TRAF3: variants seen among roughly 807,000 people sequenced by gnomAD.
TRAF3 encodes the protein TNF receptor-associated factor 3.
Under a neutral mutation model 62.3 loss-of-function variants are expected in TRAF3, and 13 were observed. The observed-to-expected ratio is 0.21, with a 90% CI of 0.14 to 0.33. The LOEUF (loss-of-function observed/expected upper bound fraction) is 0.33, where lower values mean the gene tolerates loss of function less well. Ranked by LOEUF, TRAF3 falls within the 10% of genes least tolerant of loss-of-function variation. The pLI is 1.00. For missense variants in TRAF3, 440 were observed against 741.8 expected (o/e 0.59, Z 4.73); for synonymous variants, 269 against 283.4 (o/e 0.95, Z 0.51).
At chr14:102,883,321 A>G (rs1030077461) in intron 6 of TRAF3, among the ~76,000 whole-genome samples, 119 of 152,382 alleles carry the variant, frequency 7.8e-4, no homozygotes, top group African/African-American at 2.8e-3. Flanking sequence ...CGAAGTCCAG[A>G]AGACTCCTAT....
At chr14:102,868,507 T>C (rs908694854) in intron 2 of TRAF3, among the ~76,000 whole-genome samples, 4 of 152,194 alleles carry the variant, frequency 2.6e-5, no homozygotes, top group African/African-American at 4.8e-5. Flanking sequence ...GGAGCTGCCC[T>C]GCAGAAGCCT....
chr14:102,870,059 G>T (rs1888243227), intron 2 of TRAF3, 126 bp from the exon 3 acceptor site: 3 of 1,126,302 alleles, frequency 2.7e-6, no homozygotes, highest in South Asian at 2.6e-5. Flanking sequence ...TATTAAAGTT[G>T]GGAAGGATTC....
At chr14:102,837,263 C>T (rs998328129) in intron 2 of TRAF3, among the ~76,000 whole-genome samples, 3 of 151,800 alleles carry the variant, frequency 2.0e-5, no homozygotes, top group Non-Finnish European at 4.4e-5. Context: ...CTCAGCCTCC[C>T]GAGTAGCTGG....
rs1897398033 is a variant in TRAF3, at chr14:102,784,434, G to T, written c.-157+6759G>T. ...AACAGGGTTTCACCACGTTGGCCAGGCTGGTCTTGAACTCCTGACTTCAGG... is the reference window on the plus strand; with the variant it reads ...AACAGGGTTTCACCACGTTGGCCAGTCTGGTCTTGAACTCCTGACTTCAGG... On this transcript the variant is annotated intron_variant, in intron 1 of 11. Transcript: ENST00000392745. Among the ~76,000 whole-genome samples the T allele has an allele frequency of 2.0e-5, 3 of 152,010 alleles. No homozygotes were observed. In the South Asian group the frequency reaches 6.2e-4, roughly 31 times the overall value.
intron 1 of TRAF3, among the ~76,000 whole-genome samples, chr14:102,799,146 G>A (rs1160731824): frequency 6.6e-6 from 1 of 152,144 alleles, no homozygotes; most frequent in Admixed American, 6.6e-5. Flanking sequence ...ACTACTGAAA[G>A]CAGAATTAAG....
At chr14:102,865,157 T>A (rs958617542) in intron 2 of TRAF3, among the ~76,000 whole-genome samples, 2 of 152,156 alleles carry the variant, frequency 1.3e-5, no homozygotes, top group Middle Eastern at 3.2e-3. Context: ...TCAGTAAACC[T>A]GAGACTTGTC....
In TRAF3 at chr14:102,905,866, G is replaced by T; in HGVS notation, c.*82G>T. 7.7e-7 allele frequency: 1 copy of T among 1,300,950 alleles called. No individual in the cohort carries two copies. The highest frequency in any genetic ancestry group is 1.1e-6 in the Non-Finnish European group (1 of 932,208). The allele number at this position is 1,300,950 out of a possible 1,614,324, so 80.6% of individuals were successfully genotyped here. A position where few individuals can be genotyped will look rare whatever the true frequency, so the allele number is the denominator to read the frequency against. The stretch of plus-strand genomic sequence containing the variant: ...GGTCTGTCTTCACTGAGGTCCTCGC[G>T]CTCAGAAAAGGACCTTGTGAGACGG... On this transcript the variant is annotated 3_prime_UTR_variant, in exon 12 of 12. Transcript: ENST00000392745.
intron 2 of TRAF3, among the ~76,000 whole-genome samples, chr14:102,843,490 A>T (rs534298862): frequency 4.9e-4 from 74 of 152,022 alleles, no homozygotes; most frequent in African/African-American, 1.7e-3. Context: ...AGCGTGTGCC[A>T]CCATACCCAG....
intron 2 of TRAF3, among the ~76,000 whole-genome samples, chr14:102,853,895 T>G (rs2139744618): frequency 6.6e-6 from 1 of 152,106 alleles, no homozygotes; most frequent in Middle Eastern, 3.4e-3. Context: ...TTCAGAATAT[T>G]TCATCACCCC....
intron 1 of TRAF3, among the ~76,000 whole-genome samples, chr14:102,804,879 A>G (rs1472793168): frequency 6.6e-6 from 1 of 152,154 alleles, no homozygotes; most frequent in Non-Finnish European, 1.5e-5. Context: ...ATATGTTCTA[A>G]TATTACAAAC....
rs1372018402 is a variant in TRAF3 at position 102,826,799 on chromosome 14, C to T, written c.-156-3535C>T. Among the ~76,000 whole-genome samples the T allele has an allele frequency of 1.3e-5, 2 of 152,170 alleles. No individual in the cohort carries two copies. The highest frequency in any genetic ancestry group is 2.1e-4 in the South Asian group (1 of 4,824). On this transcript the variant is annotated intron_variant, in intron 1 of 11. Coordinates refer to ENST00000392745, the MANE Select transcript of TRAF3 (RefSeq NM_145725.3). This position sits in a 1 kb window ranked among gnomAD's most constrained non-coding sequence, Gnocchi z 4.6. ...AGGCCGCGTGGACTGTCACCTCTGT[C>T]AGGGGTGCCAGGGCTGCCAAAGGAC...
intron 2 of TRAF3, among the ~76,000 whole-genome samples, chr14:102,831,677 C>T (rs1900696892): frequency 6.6e-6 from 1 of 152,140 alleles, no homozygotes. Context: ...GTCCCGTTGC[C>T]CAGAATACAA....
intron 1 of TRAF3, among the ~76,000 whole-genome samples, chr14:102,821,441 T>G (rs1899982091): frequency 6.6e-6 from 1 of 152,236 alleles, no homozygotes; most frequent in South Asian, 2.1e-4. Flanking sequence ...TGGGCCTTTA[T>G]GAGCGAGTAA....
rs1030056584 is a variant in TRAF3 at position 102,909,767 on chromosome 14, G to T, written c.*3983G>T. 6.6e-6 allele frequency: 1 copy of T among 152,230 alleles called. No homozygotes were observed. The highest frequency in any genetic ancestry group is 2.4e-5 in the African/African-American group (1 of 41,432). The allele number at this position is 152,230 out of a possible 1,614,324, so 9.4% of individuals were successfully genotyped here. A position where few individuals can be genotyped will look rare whatever the true frequency, so the allele number is the denominator to read the frequency against. On this transcript the variant is annotated 3_prime_UTR_variant, in exon 12 of 12. Coordinates refer to ENST00000392745, the MANE Select transcript of TRAF3 (RefSeq NM_145725.3). ...CCCAGACCACGTCAGCCTGCTCCAG[G>T]GTCCTCAGTCACCCTGGGCCAGGGG... is the stretch of plus-strand genomic sequence containing the variant.
At chr14:102,795,622 A>G (rs199842934) in intron 1 of TRAF3, among the ~76,000 whole-genome samples, 2 of 16,948 alleles carry the variant, frequency 1.2e-4, no homozygotes, top group Non-Finnish European at 1.6e-4. Flanking sequence ...GTGTGTGTGC[A>G]TAGTTTTCAT....
chr14:102,902,570 C>T (rs1301367024), intron 10 of TRAF3, among the ~76,000 whole-genome samples: 1 of 152,220 alleles, frequency 6.6e-6, no homozygotes, highest in African/African-American at 2.4e-5. Context: ...GGCCACCTGT[C>T]CCGTGGGACC....
At chr14:102,863,522 GCCTGCTTGCA>G (rs1887800122) in intron 2 of TRAF3, among the ~76,000 whole-genome samples, 1 of 152,304 alleles carries the variant, frequency 6.6e-6, no homozygotes, top group South Asian at 2.1e-4. Context: ...AGCATTCGCT[GCCTGCTTGCA>G]CAGATCCTGA....
chr14:102,820,614 A>G (rs7142664), intron 1 of TRAF3, among the ~76,000 whole-genome samples: 1 of 17,924 alleles, frequency 5.6e-5, no homozygotes, highest in Non-Finnish European at 7.5e-5. Flanking sequence ...ATATATATAT[A>G]TTTTTTTTTT....
intron 1 of TRAF3, among the ~76,000 whole-genome samples, chr14:102,784,884 G>C (rs1411585556): frequency 6.6e-6 from 1 of 152,178 alleles, no homozygotes; most frequent in Non-Finnish European, 1.5e-5. Flanking sequence ...CCTGGCAGAG[G>C]GCCCGTGAGT....
Sources: allele counts gnomAD v4.1 joint callset (sites outside exome capture counted in the v4.1 genomes callset), GRCh38; gene constraint gnomAD v4.1.1; non-coding constraint Gnocchi (gnomAD v3.1); transcripts MANE v1.5; gene names NCBI Gene and HGNC (gene_info 2026-07-23, HGNC 2026-07-21).